TTC27: variants seen among roughly 807,000 people sequenced by gnomAD.
TTC27 encodes the protein tetratricopeptide repeat protein 27.
TTC27 carries 79 observed loss-of-function variants against 115.9 expected under a neutral mutation model. The ratio of observed to expected loss-of-function variants is 0.68; its 90% CI spans 0.57 to 0.82. The LOEUF is 0.82. Among genes scored for constraint, TTC27 ranks in the 40% least tolerant of loss-of-function variants. TTC27 has a pLI of 0.00. For synonymous variants in TTC27, 401 were observed against 356.0 expected (o/e 1.13, Z -1.42); for missense variants, 1,054 against 993.1 (o/e 1.06, Z -0.82).
intron 5 of TTC27, among the ~76,000 whole-genome samples, chr2:32,651,416 G>A (rs1479940462): frequency 6.6e-6 from 1 of 152,066 alleles, no homozygotes; most frequent in Admixed American, 6.5e-5. Flanking sequence ...GCGCAATCTC[G>A]GCTCACTGCA....
chr2:32,639,007 TAG>T (rs1192879814), intron 3 of TTC27, among the ~76,000 whole-genome samples: 3 of 152,100 alleles, frequency 2.0e-5, no homozygotes, highest in African/African-American at 4.8e-5. Context: ...TAATTTTTTG[TAG>T]TTTTAATAGA....
intron 16 of TTC27, among the ~76,000 whole-genome samples, chr2:32,798,079 A>G (rs1381263027): frequency 6.7e-6 from 1 of 149,768 alleles, no homozygotes; most frequent in Non-Finnish European, 1.5e-5. Flanking sequence ...TACACCCACT[A>G]GGATGGCTAC....
At chr2:32,635,496 T>C (rs1664383658) in intron 3 of TTC27, among the ~76,000 whole-genome samples, 1 of 151,870 alleles carries the variant, frequency 6.6e-6, no homozygotes, top group Non-Finnish European at 1.5e-5. Context: ...ACCAGCCTGA[T>C]CAACATGGTG....
intron 2 of TTC27, among the ~76,000 whole-genome samples, chr2:32,632,231 G>A (rs1330985718): frequency 6.9e-6 from 1 of 145,776 alleles, no homozygotes; most frequent in African/African-American, 2.6e-5. Context: ...GGCTGGTCTC[G>A]AACTCCTGGG....
At chr2:32,819,104 A>C (rs930954531) in intron 19 of TTC27, among the ~76,000 whole-genome samples, 2 of 152,188 alleles carry the variant, frequency 1.3e-5, no homozygotes, top group African/African-American at 4.8e-5. Flanking sequence ...TACTTCTACT[A>C]CTACCACAGT....
intron 12 of TTC27, 70 bp from the exon 13 acceptor site, chr2:32,758,222 G>A (rs968284270): frequency 7.3e-6 from 10 of 1,365,374 alleles, no homozygotes; most frequent in East Asian, 4.6e-5. Flanking sequence ...GATTAAAGAT[G>A]TATATGTGCT....
chr2:32,689,019 T>A (rs1666728899), intron 9 of TTC27, among the ~76,000 whole-genome samples: 3 of 152,072 alleles, frequency 2.0e-5, no homozygotes, highest in Non-Finnish European at 4.4e-5. Flanking sequence ...CATGAAATAA[T>A]ACTCAACAAT....
intron 12 of TTC27, among the ~76,000 whole-genome samples, chr2:32,745,587 C>T (rs1668795978): frequency 6.6e-6 from 1 of 151,764 alleles, no homozygotes; most frequent in African/African-American, 2.4e-5. Flanking sequence ...AGTTTAATGA[C>T]CTAAATCTGA....
At chr2:32,660,908 C>A (rs1046562359) in intron 5 of TTC27, among the ~76,000 whole-genome samples, 6 of 151,900 alleles carry the variant, frequency 3.9e-5, no homozygotes, top group African/African-American at 1.5e-4. Context: ...TTAGGTCTTA[C>A]GTTTAAGTCT....
intron 7 of TTC27, 66 bp from the exon 8 acceptor site, chr2:32,672,206 A>G (rs1234015677): frequency 4.4e-6 from 5 of 1,140,826 alleles, no homozygotes; most frequent in Non-Finnish European, 6.6e-6. Flanking sequence ...AATCTATTAC[A>G]TGCCATTCTG....
Position 32,628,213 on chromosome 2 carries a change from T to A in TTC27, c.-80T>A, listed in dbSNP as rs2063524084. On this transcript the variant is annotated 5_prime_UTR_variant, in exon 1 of 20. Transcript: ENST00000317907. ...CCACTAGATTTCAGCGCCTTTGGAC[T>A]CTCCTGTTTTCACTTTCTTTTGTTG... 2.2e-6 allele frequency: 3 copies of A among 1,365,906 alleles called. No individual in the cohort carries two copies. Among genetic ancestry groups the A allele is most frequent in the Non-Finnish European group, 3.1e-6 (3 of 977,686 alleles). 84.6% of individuals were successfully genotyped at this position (1,365,906 alleles called of 1,614,324 possible).
chr2:32,726,863 CATG>C (rs1300426168), intron 10 of TTC27, among the ~76,000 whole-genome samples: 10 of 152,196 alleles, frequency 6.6e-5, no homozygotes, highest in African/African-American at 2.4e-4. Context: ...GCCTCACAAT[CATG>C]GTGGAAGGCA....
intron 1 of TTC27, 60 bp from the exon 2 acceptor site, chr2:32,630,463 T>C (rs1291136829): frequency 7.5e-7 from 1 of 1,338,390 alleles, no homozygotes; most frequent in East Asian, 2.3e-5. Flanking sequence ...AATAGTGTTA[T>C]CCTTTACGGT....
rs1391016156 is a variant in TTC27 at position 32,806,697 on chromosome 2, G to A, written c.1999-4327G>A. ...CTCGGGAGGCTGAGGCAGGAGAATC[G>A]CTTGAACCAAGAGGCAGAGGTTGCA... On this transcript the variant is annotated intron_variant, in intron 16 of 19. Coordinates refer to ENST00000317907, the MANE Select transcript of TTC27 (RefSeq NM_017735.5). Among the ~76,000 whole-genome samples, 15 of 151,958 alleles carry A rather than the reference G, an allele frequency of 9.9e-5. No individual in the cohort carries two copies. The East Asian group carries it at 2.7e-3, about 28-fold the overall frequency.
chr2:32,786,959 CT>C (rs746959014), intron 15 of TTC27, 24 bp from the exon 16 acceptor site: 25 of 1,584,058 alleles, frequency 1.6e-5, no homozygotes, highest in Middle Eastern at 1.7e-4. Flanking sequence ...CATTATTGCT[CT>C]CTTTAAAATT....
chr2:32,800,005 G>A (rs957713284), intron 16 of TTC27, among the ~76,000 whole-genome samples: 6 of 152,180 alleles, frequency 3.9e-5, no homozygotes, highest in African/African-American at 1.4e-4. Context: ...TGGCTGCGTC[G>A]CCTTGGGCAG....
chr2:32,656,810 T>C (rs1665338120), intron 5 of TTC27, among the ~76,000 whole-genome samples: 1 of 152,104 alleles, frequency 6.6e-6, no homozygotes, highest in Admixed American at 6.6e-5. Flanking sequence ...CTTTATGGGT[T>C]TCCCCCTCTG....
At chr2:32,672,491 A>T (rs1248088409) in intron 8 of TTC27, 107 bp downstream of exon 8, 5 of 770,160 alleles carry the variant, frequency 6.5e-6, no homozygotes, top group African/African-American at 1.7e-5. Flanking sequence ...ATGAATAGGG[A>T]ATTTTGTAGT....
intron 8 of TTC27, among the ~76,000 whole-genome samples, chr2:32,677,638 A>G (rs567784227): frequency 3.3e-4 from 50 of 151,996 alleles, no homozygotes. Flanking sequence ...TTTAGTAGAG[A>G]TGTGGTTTTA....
Sources: allele counts gnomAD v4.1 joint callset (sites outside exome capture counted in the v4.1 genomes callset), GRCh38; gene constraint gnomAD v4.1.1; transcripts MANE v1.5; gene names NCBI Gene and HGNC (gene_info 2026-07-23, HGNC 2026-07-21).